The following GALNT14 variants were observed in gnomAD, a reference collection of about 807,000 sequenced individuals.
The protein encoded by GALNT14 is polypeptide N-acetylgalactosaminyltransferase 14.
GALNT14 carries 60 observed loss-of-function variants against 77.5 expected under a neutral mutation model. The ratio of observed to expected loss-of-function variants is 0.77; its 90% CI spans 0.63 to 0.96. The LOEUF (loss-of-function observed/expected upper bound fraction) is 0.96, where lower values mean the gene tolerates loss of function less well. Among genes scored for constraint, GALNT14 ranks in the 40% least tolerant of loss-of-function variants. The probability of loss-of-function intolerance (pLI) is 0.00; values close to 1 mark genes in which losing one functional copy is unlikely to be tolerated. For synonymous variants in GALNT14, 280 were observed against 281.7 expected (o/e 0.99, Z 0.06); for missense variants, 710 against 731.0 (o/e 0.97, Z 0.33).
rs72854852 is a variant in GALNT14, at chr2:31,056,846, C to T, written c.130-63839G>A. On this transcript the variant is annotated intron_variant, in intron 1 of 14. Transcript: ENST00000349752. ...AAACAGCATTTCAAAATACTTGCAA[C>T]ACTACACACGATCGCAAACACATGG... 5.5e-3 allele frequency among the ~76,000 whole-genome samples: 835 copies of T among 152,220 alleles called. 6 individuals are homozygous for T. The highest frequency in any genetic ancestry group is 0.019 in the African/African-American group (783 of 41,516).
chr2:30,985,497 G>A (rs986528450), intron 2 of GALNT14, among the ~76,000 whole-genome samples: 1 of 152,136 alleles, frequency 6.6e-6, no homozygotes, highest in Non-Finnish European at 1.5e-5. Context: ...AAACAGACAG[G>A]GCAGGAGCCC....
intron 1 of GALNT14, among the ~76,000 whole-genome samples, chr2:31,078,345 G>C (rs910490506): frequency 1.3e-5 from 2 of 152,308 alleles, no homozygotes; most frequent in Middle Eastern, 3.4e-3. Flanking sequence ...GACAACATTA[G>C]ACGATCATAA....
chr2:31,117,101 T>G (rs893299878), intron 1 of GALNT14, among the ~76,000 whole-genome samples: 5 of 152,128 alleles, frequency 3.3e-5, no homozygotes, highest in African/African-American at 1.2e-4. Context: ...AAAGACACTT[T>G]AAATATTGAT....
chr2:31,070,877 A>T (rs6732067), intron 1 of GALNT14, among the ~76,000 whole-genome samples: 90,940 of 152,098 alleles, frequency 0.6, 28,081 homozygotes, highest in African/African-American at 0.76. Context: ...AGCAATAAGC[A>T]CTGTCTGGTC....
chr2:30,987,769 A>C (rs1392902905), intron 2 of GALNT14, among the ~76,000 whole-genome samples: 1 of 126,958 alleles, frequency 7.9e-6, no homozygotes, highest in Non-Finnish European at 1.6e-5. Flanking sequence ...ATCATGCGGC[A>C]TCTTCAGATT....
intron 1 of GALNT14, among the ~76,000 whole-genome samples, chr2:31,041,270 GAAT>G (rs1673078080): frequency 6.6e-6 from 1 of 152,092 alleles, no homozygotes; most frequent in East Asian, 1.9e-4. Flanking sequence ...ATGAGAAGGG[GAAT>G]AATAATATGC....
chr2:31,102,265 C>G (rs144966888), intron 1 of GALNT14, among the ~76,000 whole-genome samples: 1 of 151,928 alleles, frequency 6.6e-6, no homozygotes, highest in Admixed American at 6.6e-5. Context: ...CATGTTTGAT[C>G]ATTCTTTTGT....
At chr2:31,057,384 A>G (rs1674299355) in intron 1 of GALNT14, among the ~76,000 whole-genome samples, 1 of 145,246 alleles carries the variant, frequency 6.9e-6, no homozygotes, top group African/African-American at 2.5e-5. Flanking sequence ...GTATATATAT[A>G]TATATATATA....
chr2:31,135,958 G>T (rs1188785600), intron 1 of GALNT14, among the ~76,000 whole-genome samples: 1 of 152,212 alleles, frequency 6.6e-6, no homozygotes, highest in South Asian at 2.1e-4. Flanking sequence ...CAGGTCTCTT[G>T]TCCCAGATCC....
chr2:30,935,102 C>A (rs1441525847), intron 9 of GALNT14, among the ~76,000 whole-genome samples: 3 of 152,174 alleles, frequency 2.0e-5, no homozygotes, highest in Non-Finnish European at 4.4e-5. Context: ...TACTTCTGGG[C>A]CAGGCAGGCA....
intron 1 of GALNT14, among the ~76,000 whole-genome samples, chr2:31,031,619 C>G (rs1441388655): frequency 6.6e-6 from 1 of 152,178 alleles, no homozygotes; most frequent in Non-Finnish European, 1.5e-5. Flanking sequence ...GAAATCTAGT[C>G]CCCAAACTGT....
At chr2:31,057,293 T>TTATATATATATATATA (rs10638502) in intron 1 of GALNT14, among the ~76,000 whole-genome samples, 1 of 128,970 alleles carries the variant, frequency 7.8e-6, no homozygotes, top group Non-Finnish European at 1.6e-5. Flanking sequence ...AAAGTTGAAA[T>TTATATATATATATATA]TATATATATA....
chr2:31,137,670 C>T (rs1024495732), intron 1 of GALNT14, among the ~76,000 whole-genome samples: 4 of 152,156 alleles, frequency 2.6e-5, no homozygotes, highest in East Asian at 1.9e-4. Flanking sequence ...AGAGCCCCCT[C>T]CGCCCCGGGA....
chr2:31,032,907 A>T (rs772028595), intron 1 of GALNT14, among the ~76,000 whole-genome samples: 37 of 152,124 alleles, frequency 2.4e-4, no homozygotes, highest in Admixed American at 3.3e-4. Flanking sequence ...GTTGCATGCC[A>T]TGTCCTAAGG....
intron 1 of GALNT14, among the ~76,000 whole-genome samples, chr2:31,076,627 ATATTT>A (rs1251099204): frequency 4.2e-5 from 5 of 120,076 alleles, no homozygotes; most frequent in East Asian, 4.1e-4. Context: ...ATATATATAT[ATATTT>A]TTTTTTTTTT....
intron 2 of GALNT14, among the ~76,000 whole-genome samples, chr2:30,982,924 T>C (rs1347304356): frequency 1.3e-5 from 2 of 152,154 alleles, no homozygotes; most frequent in Non-Finnish European, 2.9e-5. Context: ...GCTCATGAAA[T>C]AGACAAAAGC....
intron 1 of GALNT14, among the ~76,000 whole-genome samples, chr2:31,082,417 C>T (rs1676200856): frequency 6.6e-6 from 1 of 152,214 alleles, no homozygotes; most frequent in African/African-American, 2.4e-5. Context: ...CTGTAATAGT[C>T]AGCAGGTCTC....
intron 1 of GALNT14, among the ~76,000 whole-genome samples, chr2:31,004,774 G>T (rs1221437852): frequency 6.6e-6 from 1 of 152,208 alleles, no homozygotes; most frequent in African/African-American, 2.4e-5. Context: ...CCCTCCAAAA[G>T]CCAGGCTTCT....
chr2:31,098,964 G>C (rs1446782748), intron 1 of GALNT14, among the ~76,000 whole-genome samples: 1 of 152,068 alleles, frequency 6.6e-6, no homozygotes, highest in Non-Finnish European at 1.5e-5. Flanking sequence ...AGGAGGAAGA[G>C]GAGGGGTTGG....
Sources: gnomAD v4.1 joint callset for allele counts (sites outside exome capture counted in the v4.1 genomes callset) on GRCh38, gnomAD v4.1.1 for gene constraint, MANE v1.5 for transcripts, NCBI Gene and HGNC (gene_info 2026-07-23, HGNC 2026-07-21) for gene names.